The following PPP2CA variants were observed in gnomAD, a reference collection of about 807,000 sequenced individuals.
PPP2CA encodes the protein protein phosphatase 2 catalytic subunit alpha, also known as serine/threonine-protein phosphatase 2A catalytic subunit alpha isoform.
In PPP2CA, 5 loss-of-function variants were observed where a neutral mutation model predicts 38.8. That is an observed-to-expected ratio of 0.13 (90% CI 0.07 to 0.27). PPP2CA has a LOEUF of 0.27. Ranked by LOEUF, PPP2CA falls within the 10% of genes least tolerant of loss-of-function variation. The pLI, the probability that PPP2CA is intolerant of heterozygous loss-of-function variation, is 1.00. For synonymous variants in PPP2CA, 152 were observed against 134.0 expected (o/e 1.13, Z -0.93); for missense variants, 88 against 389.7 (o/e 0.23, Z 6.52).
chr5:134,225,960 C>G lies in PPP2CA; in HGVS notation c.-99G>C. On this transcript the variant is annotated 5_prime_UTR_variant, in exon 1 of 7. Transcript: ENST00000481195. Reference sequence around the variant, plus strand: ...CACGCCGCCGCCGGTTCCTCGTGTACTTCTGGCGGCTGTTGAGGCTGGCGC... The same window carrying G: ...CACGCCGCCGCCGGTTCCTCGTGTAGTTCTGGCGGCTGTTGAGGCTGGCGC... The G allele has an allele frequency of 8.8e-7, 1 of 1,135,012 alleles. No individual in the cohort carries two copies. The highest frequency in any genetic ancestry group is 1.3e-6 in the Non-Finnish European group (1 of 793,838). The allele number at this position is 1,135,012 out of a possible 1,614,324, so 70.3% of individuals were successfully genotyped here. A position where few individuals can be genotyped will look rare whatever the true frequency, so the allele number is the denominator to read the frequency against.
At chr5:134,220,104 C>T (rs377620951) in intron 1 of PPP2CA, among the ~76,000 whole-genome samples, 17 of 151,892 alleles carry the variant, frequency 1.1e-4, no homozygotes, top group African/African-American at 2.9e-4. Context: ...CAATAGACAC[C>T]TCTCCCTTCT....
chr5:134,203,166 T>C (rs1350246599), intron 2 of PPP2CA, among the ~76,000 whole-genome samples: 1 of 152,206 alleles, frequency 6.6e-6, no homozygotes, highest in African/African-American at 2.4e-5. Context: ...ATAATCTTAA[T>C]TTTGATAAAG....
chr5:134,200,922 C>G, intron 4 of PPP2CA, 63 bp downstream of exon 4: 1 of 1,308,398 alleles, frequency 7.6e-7, no homozygotes, highest in Non-Finnish European at 1.1e-6. Flanking sequence ...AATGAACTTA[C>G]AATTAAACTT....
At chr5:134,216,208 T>C (rs1391342570) in intron 1 of PPP2CA, among the ~76,000 whole-genome samples, 1 of 152,162 alleles carries the variant, frequency 6.6e-6, no homozygotes, top group African/African-American at 2.4e-5. Flanking sequence ...AAAGGGATCA[T>C]GATGTAACTA....
chr5:134,223,474 T>C (rs539884952), intron 1 of PPP2CA, among the ~76,000 whole-genome samples: 5 of 152,364 alleles, frequency 3.3e-5, no homozygotes, highest in South Asian at 2.1e-4. Context: ...AGTATGAAGG[T>C]TGTATAATGA....
chr5:134,215,217 C>T (rs1762291429), intron 1 of PPP2CA, among the ~76,000 whole-genome samples: 1 of 151,948 alleles, frequency 6.6e-6, no homozygotes, highest in African/African-American at 2.4e-5. Flanking sequence ...CTTGCCTCAG[C>T]CTCACAGAGT....
chr5:134,209,510 C>T (rs558341264), intron 1 of PPP2CA, among the ~76,000 whole-genome samples: 3 of 152,232 alleles, frequency 2.0e-5, no homozygotes, highest in Non-Finnish European at 4.4e-5. Context: ...CAGTGGCTCA[C>T]GCCTGTAATC....
rs564604003 is a variant in PPP2CA at position 134,195,072 on chromosome 5, A to C, written c.*2700T>G. On this transcript the variant is annotated 3_prime_UTR_variant, in exon 7 of 7. Transcript: ENST00000481195. ...CTAAGTCCTTCTTGAAACTAATCTA[A>C]TATTGACAAACTTCTATTTAAGAAA... 1 of 152,176 alleles carries C rather than the reference A, an allele frequency of 6.6e-6. No homozygotes were observed. Among genetic ancestry groups the C allele is most frequent in the Non-Finnish European group, 1.5e-5 (1 of 68,036 alleles). The allele number at this position is 152,176 out of a possible 1,614,324, so 9.4% of individuals were successfully genotyped here.
At position 134,196,339 on chromosome 5, in the gene PPP2CA, A is replaced by G. The variant is rs1457189332; in HGVS notation, c.*1433T>C. 2.0e-5 allele frequency: 3 copies of G among 152,250 alleles called. No individual in the cohort carries two copies. The highest frequency in any genetic ancestry group is 7.2e-5 in the African/African-American group (3 of 41,464). The allele number at this position is 152,250 out of a possible 1,614,324, so 9.4% of individuals were successfully genotyped here. ...CCTGTTTACTCTGGTAGGTTAAAAT[A>G]TCAAATATTAGTTCCCACAGAAGAA... On this transcript the variant is annotated 3_prime_UTR_variant, in exon 7 of 7. Transcript: ENST00000481195.
chr5:134,224,579 T>C (rs1376121130), intron 1 of PPP2CA, among the ~76,000 whole-genome samples: 1 of 152,224 alleles, frequency 6.6e-6, no homozygotes, highest in Admixed American at 6.5e-5. Flanking sequence ...TGTACTAAAG[T>C]GACGTGCTGC....
intron 1 of PPP2CA, among the ~76,000 whole-genome samples, chr5:134,219,754 T>G (rs1275353238): frequency 2.0e-5 from 3 of 152,276 alleles, no homozygotes; most frequent in South Asian, 2.1e-4. Context: ...CTCACACCTG[T>G]AATCCCAGCA....
intron 1 of PPP2CA, chr5:134,224,131 C>T (rs1216536409): frequency 3.1e-6 from 1 of 327,638 alleles, no homozygotes; most frequent in African/African-American, 2.2e-5. Flanking sequence ...ACTTAAAAGT[C>T]TTTCATATAA....
intron 1 of PPP2CA, chr5:134,224,316 G>A (rs1462355970): frequency 4.4e-6 from 2 of 455,550 alleles, no homozygotes; most frequent in East Asian, 1.4e-4. Context: ...CCATTAAAAG[G>A]CATCTCCAAC....
At position 134,205,217 on chromosome 5, in the gene PPP2CA, C is replaced by T. The variant is rs146428037; in HGVS notation, c.312+705G>A. Among the ~76,000 whole-genome samples the T allele has an allele frequency of 7.3e-3, 1,103 of 152,018 alleles. 13 individuals carry two copies. The highest frequency in any genetic ancestry group is 0.024 in the African/African-American group (1,011 of 41,444). ...CCTCCCAAAGTGCTGGGATTATAGC[C>T]ACGAGCCACCGTGACCAGCTGATTT... On this transcript the variant is annotated intron_variant, in intron 2 of 6. Transcript: ENST00000481195.
chr5:134,205,748 CCT>C, intron 2 of PPP2CA, 172 bp downstream of exon 2: 1 of 578,822 alleles, frequency 1.7e-6, no homozygotes. Flanking sequence ...TGTACCATCC[CCT>C]TACTCAGAAC....
In PPP2CA at chr5:134,196,696, A is replaced by T. The variant is rs1000359005; in HGVS notation, c.*1076T>A. On this transcript the variant is annotated 3_prime_UTR_variant, in exon 7 of 7. Transcript: ENST00000481195. ...TAGCAATATAATATTCATAACCAGA[A>T]ACTGCACTAAGTAAACACATCATTT... 9 of 152,230 alleles carry T rather than the reference A, an allele frequency of 5.9e-5. No individual in the cohort carries two copies. The highest frequency in any genetic ancestry group is 5.2e-4 in the Admixed American group (8 of 15,278). The allele number at this position is 152,230 out of a possible 1,614,324, so 9.4% of individuals were successfully genotyped here.
At chr5:134,202,671 G>C (rs1761992679) in intron 2 of PPP2CA, among the ~76,000 whole-genome samples, 1 of 152,152 alleles carries the variant, frequency 6.6e-6, no homozygotes, top group Admixed American at 6.5e-5. Flanking sequence ...TGGCTACTAT[G>C]AATAATGTTG....
At chr5:134,203,106 A>C (rs1201237209) in intron 2 of PPP2CA, among the ~76,000 whole-genome samples, 1 of 150,696 alleles carries the variant, frequency 6.6e-6, no homozygotes, top group African/African-American at 2.4e-5. Flanking sequence ...TTTTTTTTTT[A>C]AATATCTGAA....
intron 1 of PPP2CA, among the ~76,000 whole-genome samples, chr5:134,217,193 T>C (rs536477909): frequency 7.2e-5 from 11 of 152,166 alleles, no homozygotes; most frequent in South Asian, 4.2e-4. Context: ...GGCAGGAGAA[T>C]TGCTTGAATC....
Sources: gnomAD v4.1 joint callset for allele counts (sites outside exome capture counted in the v4.1 genomes callset) on GRCh38, gnomAD v4.1.1 for gene constraint, MANE v1.5 for transcripts, NCBI Gene and HGNC (gene_info 2026-07-23, HGNC 2026-07-21) for gene names.